Variants in WDPCP observed in about 807,000 individuals in gnomAD.
The protein encoded by WDPCP is WD repeat-containing and planar cell polarity effector protein fritz homolog.
WDPCP carries 71 observed loss-of-function variants against 93.1 expected under a neutral mutation model. The ratio of observed to expected loss-of-function variants is 0.76; its 90% CI spans 0.63 to 0.93. The LOEUF is 0.93. Among genes scored for constraint, WDPCP ranks in the 40% least tolerant of loss-of-function variants. WDPCP has a pLI of 0.00. For synonymous variants in WDPCP, 315 were observed against 315.0 expected, an observed-to-expected ratio of 1.00 and a Z score of 0.00; for missense variants, 844 against 887.4, an observed-to-expected ratio of 0.95 and a Z score of 0.62.
intron 9 of WDPCP, among the ~76,000 whole-genome samples, chr2:63,433,390 G>A (rs536095648): frequency 6.6e-6 from 1 of 152,144 alleles, no homozygotes; most frequent in Non-Finnish European, 1.5e-5. Flanking sequence ...CAGTGATTCA[G>A]GGCTTACTAT....
At chr2:63,459,539 A>G (rs1256490845) in intron 6 of WDPCP, among the ~76,000 whole-genome samples, 1 of 152,188 alleles carries the variant, frequency 6.6e-6, no homozygotes, top group Non-Finnish European at 1.5e-5. Context: ...TGCTGGCAAG[A>G]AAGAAAAGGG....
At chr2:63,504,138 T>C (rs886962984) in intron 1 of WDPCP, among the ~76,000 whole-genome samples, 2 of 152,078 alleles carry the variant, frequency 1.3e-5, no homozygotes, top group African/African-American at 2.4e-5. Flanking sequence ...TACTTTTAAA[T>C]ATTTCTTTTC....
chr2:63,678,142 C>T (rs1340709698), intron 2 of WDPCP, among the ~76,000 whole-genome samples: 1 of 152,024 alleles, frequency 6.6e-6, no homozygotes, highest in East Asian at 1.9e-4. Context: ...TTGCAGTTGC[C>T]GAAAGTAATC....
chr2:63,733,082 T>C (rs1452855287), intron 2 of WDPCP, among the ~76,000 whole-genome samples: 1 of 151,958 alleles, frequency 6.6e-6, no homozygotes, highest in Non-Finnish European at 1.5e-5. Context: ...TATAAATGGG[T>C]ATAAAATATA....
chr2:63,307,669 A>C (rs1685845045), intron 13 of WDPCP, among the ~76,000 whole-genome samples: 1 of 152,218 alleles, frequency 6.6e-6, no homozygotes, highest in Non-Finnish European at 1.5e-5. Flanking sequence ...GTGTTGGGAA[A>C]ATTGGCTAGC....
chr2:63,597,756 A>C (rs902916640), intron 3 of WDPCP: 5 of 437,490 alleles, frequency 1.1e-5, no homozygotes, highest in Non-Finnish European at 1.9e-5. Flanking sequence ...TACAGTATAG[A>C]AATCTATATT....
intron 1 of WDPCP, among the ~76,000 whole-genome samples, chr2:63,814,023 C>T (rs1332144830): frequency 6.6e-6 from 1 of 151,980 alleles, no homozygotes; most frequent in Non-Finnish European, 1.5e-5. Flanking sequence ...TGTTTCTGAA[C>T]AAATGAGGAA....
chr2:63,386,168 T>C (rs1692714481), intron 10 of WDPCP, among the ~76,000 whole-genome samples: 2 of 151,992 alleles, frequency 1.3e-5, no homozygotes, highest in African/African-American at 4.8e-5. Context: ...TCTTAGGACG[T>C]GAAAAGCAAA....
intron 1 of WDPCP, among the ~76,000 whole-genome samples, chr2:63,530,529 G>A (rs2106230908): frequency 6.6e-6 from 1 of 152,256 alleles, no homozygotes; most frequent in Non-Finnish European, 1.5e-5. Flanking sequence ...GTATGTACAT[G>A]TGTTATCTGG....
chr2:63,679,704 T>G (rs2103626798), intron 2 of WDPCP, among the ~76,000 whole-genome samples: 1 of 152,232 alleles, frequency 6.6e-6, no homozygotes, highest in South Asian at 2.1e-4. Context: ...TTCTAGTTAG[T>G]CGGATTCTTG....
intron 2 of WDPCP, among the ~76,000 whole-genome samples, chr2:63,669,134 T>C (rs1710317288): frequency 6.6e-6 from 1 of 152,210 alleles, no homozygotes; most frequent in Non-Finnish European, 1.5e-5. Flanking sequence ...CCAAGATCCA[T>C]ACTCAGGCAA....
chr2:63,168,435 A>G (rs907956760), intron 15 of WDPCP, among the ~76,000 whole-genome samples: 2 of 152,156 alleles, frequency 1.3e-5, no homozygotes, highest in Admixed American at 6.6e-5. Context: ...TCTTTCTTAC[A>G]GTACATAGCT....
At chr2:63,308,028 G>T (rs933553990) in intron 13 of WDPCP, among the ~76,000 whole-genome samples, 1 of 152,010 alleles carries the variant, frequency 6.6e-6, no homozygotes, top group East Asian at 1.9e-4. Flanking sequence ...ATTAAACAAA[G>T]AACTTAAACA....
chr2:63,475,429 GTACTT>G (rs1699921398), intron 6 of WDPCP, among the ~76,000 whole-genome samples: 2 of 151,884 alleles, frequency 1.3e-5, no homozygotes, highest in South Asian at 4.1e-4. Context: ...TTAAGATACT[GTACTT>G]TAGATATTAA....
In WDPCP at chr2:63,789,838, C is replaced by T. The variant is rs144039909; in HGVS notation, n.308+23784G>A. Among the ~76,000 whole-genome samples, 1,163 of 152,150 alleles carry T rather than the reference C, an allele frequency of 7.6e-3. 9 individuals carry two copies. Among genetic ancestry groups the T allele is most frequent in the Middle Eastern group, 0.01 (3 of 294 alleles). On this transcript the variant is annotated intron_variant and non_coding_transcript_variant, in intron 2 of 4. Transcript: ENST00000467687. ...ACCCTTCCCTTTACACTGTATAATG[C>T]GAAACATATGTGAATAGGATTACAT...
chr2:63,345,512 C>T (rs1689129466), intron 12 of WDPCP, among the ~76,000 whole-genome samples: 1 of 152,150 alleles, frequency 6.6e-6, no homozygotes, highest in South Asian at 2.1e-4. Context: ...AGACTGAGTG[C>T]TATTTACAGG....
At chr2:63,127,121 C>CTTT (rs66754554) in intron 17 of WDPCP, among the ~76,000 whole-genome samples, 2 of 119,850 alleles carry the variant, frequency 1.7e-5, no homozygotes, top group African/African-American at 3.2e-5. Context: ...ACATATTTAA[C>CTTT]TTTTTTTTTT....
chr2:63,310,472 C>T (rs1686100685), intron 13 of WDPCP, among the ~76,000 whole-genome samples: 1 of 151,908 alleles, frequency 6.6e-6, no homozygotes, highest in African/African-American at 2.4e-5. Context: ...AATCAGCAAA[C>T]TGTGACCTGC....
upstream of WDPCP, among the ~76,000 whole-genome samples, chr2:63,589,745 G>A (rs1332633789): frequency 6.6e-6 from 1 of 152,140 alleles, no homozygotes; most frequent in Non-Finnish European, 1.5e-5. Flanking sequence ...GAAGACCTGG[G>A]TAACCTGCAT....
Sources: gnomAD v4.1 joint callset for allele counts (sites outside exome capture counted in the v4.1 genomes callset) on GRCh38, gnomAD v4.1.1 for gene constraint, MANE v1.5 for transcripts, NCBI Gene and HGNC (gene_info 2026-07-23, HGNC 2026-07-21) for gene names.